RGMA: variants seen among roughly 807,000 people sequenced by gnomAD.
RGMA encodes repulsive guidance molecule A.
RGMA carries 10 observed loss-of-function variants against 23.2 expected under a neutral mutation model. The observed-to-expected ratio is 0.43, with a 90% confidence interval of 0.27 to 0.73. The LOEUF (loss-of-function observed/expected upper bound fraction) is 0.73. Ranked by LOEUF, RGMA falls within the 30% of genes least tolerant of loss-of-function variation. RGMA has a pLI of 0.20. For synonymous variants in RGMA, 308 were observed against 279.3 expected, an observed-to-expected ratio of 1.10 and a Z score of -1.03; for missense variants, 547 against 630.5, an observed-to-expected ratio of 0.87 and a Z score of 1.42.
intron 2 of RGMA, among the ~76,000 whole-genome samples, chr15:93,068,416 C>T (rs867002709): frequency 2.0e-5 from 3 of 152,180 alleles, no homozygotes; most frequent in Admixed American, 6.5e-5. Context: ...TCTTCCAAGG[C>T]CTCCTCTTCT....
At position 93,040,786 on chromosome 15, in the gene RGMA, A is replaced by G. The variant is rs1273293760; in HGVS notation, c.*4212T>C. 1.3e-5 allele frequency: 2 copies of G among 152,168 alleles called. No homozygotes were observed. Among genetic ancestry groups the G allele is most frequent in the African/African-American group, 4.8e-5 (2 of 41,420 alleles). 9.4% of individuals were successfully genotyped at this position (152,168 alleles called of 1,614,324 possible). ...GGGTAGACACCCAATAGAGTTATCA[A>G]ATGGATAAATAAATGCAATTGCAGA... is the stretch of plus-strand genomic sequence containing the variant. On this transcript the variant is annotated 3_prime_UTR_variant, in exon 4 of 4. Coordinates refer to ENST00000329082, the MANE Select transcript of RGMA (RefSeq NM_020211.3).
chr15:93,087,618 A>G (rs1304422196), intron 1 of RGMA, among the ~76,000 whole-genome samples: 3 of 152,190 alleles, frequency 2.0e-5, no homozygotes, highest in African/African-American at 7.2e-5. Context: ...AAATCCACCC[A>G]AGAAATCACC....
rs538262883 is a variant in RGMA, at chr15:93,064,008, AACCACACCGTGTGCCAAGGGAAAG to A, written c.130+8884_130+8907del. ...TCACTCATACCAAGTGGCTACACGA[AACCACACCGTGTGCCAAGGGAAAG>A]GGCACACCTCAGCTTTCCACACTAC... is the stretch of plus-strand genomic sequence containing the variant. On this transcript the variant is annotated intron_variant, in intron 2 of 3. Coordinates refer to ENST00000329082, the MANE Select transcript of RGMA (RefSeq NM_020211.3). Among the ~76,000 whole-genome samples the A allele has an allele frequency of 4.3e-4, 65 of 152,320 alleles. 2 individuals are homozygous for A. In the South Asian group the frequency reaches 0.013, roughly 31 times the overall value.
At chr15:93,049,078 G>T (rs2054875466) in intron 3 of RGMA, among the ~76,000 whole-genome samples, 1 of 152,134 alleles carries the variant, frequency 6.6e-6, no homozygotes, top group Non-Finnish European at 1.5e-5. Flanking sequence ...AGCATGAAGG[G>T]GGCCTGTCGA....
intron 2 of RGMA, among the ~76,000 whole-genome samples, chr15:93,055,226 T>G (rs1206242102): frequency 6.6e-6 from 1 of 152,162 alleles, no homozygotes; most frequent in Admixed American, 6.5e-5. Context: ...CCTGTGGCAC[T>G]TACTGTGACC....
Position 93,044,717 on chromosome 15 carries a change from G to A in RGMA, c.*281C>T. 1 of 481,064 alleles carries A rather than the reference G, an allele frequency of 2.1e-6. No homozygotes were observed. The highest frequency in any genetic ancestry group is 3.7e-6 in the Non-Finnish European group (1 of 269,388). The allele number at this position is 481,064 out of a possible 1,614,324, so 29.8% of individuals were successfully genotyped here. On this transcript the variant is annotated 3_prime_UTR_variant, in exon 4 of 4. Transcript: ENST00000329082. Reference sequence around the variant, plus strand: ...GTGGGGGTGGGGGGCTTCAGCCTGAGGGGATGTTTCACACATTCACACTGC... The same window carrying A: ...GTGGGGGTGGGGGGCTTCAGCCTGAAGGGATGTTTCACACATTCACACTGC...
In RGMA at chr15:93,039,785, C is replaced by T. The variant is rs1485153297; in HGVS notation, c.*5213G>A. On this transcript the variant is annotated 3_prime_UTR_variant, in exon 4 of 4. Transcript: ENST00000329082. ...GTATATGTGCCACATTTTCTTTATC[C>T]AGTCTATCATTGAGCCCATTATTTC... is the stretch of plus-strand genomic sequence containing the variant. 4.6e-5 allele frequency: 7 copies of T among 152,204 alleles called. No homozygotes were observed. The highest frequency in any genetic ancestry group is 4.6e-4 in the Admixed American group (7 of 15,280). 9.4% of individuals were successfully genotyped at this position (152,204 alleles called of 1,614,324 possible).
chr15:93,056,082 GC>G (rs1302118535), intron 2 of RGMA, among the ~76,000 whole-genome samples: 1 of 152,216 alleles, frequency 6.6e-6, no homozygotes, highest in African/African-American at 2.4e-5. Flanking sequence ...GGCCCCAGTA[GC>G]CCAGGGGTTC....
chr15:93,079,258 G>A (rs942471259), intron 1 of RGMA, among the ~76,000 whole-genome samples: 21 of 152,254 alleles, frequency 1.4e-4, no homozygotes, highest in Admixed American at 5.9e-4. Context: ...CAATTTCCCC[G>A]CACATGCTGG....
At chr15:93,058,477 G>C (rs1028464989) in intron 2 of RGMA, among the ~76,000 whole-genome samples, 1 of 152,252 alleles carries the variant, frequency 6.6e-6, no homozygotes, top group African/African-American at 2.4e-5. Flanking sequence ...CCAGTTTTGT[G>C]TTAACTTTGT....
At chr15:93,054,827 G>C (rs1223151081) in intron 2 of RGMA, among the ~76,000 whole-genome samples, 1 of 152,206 alleles carries the variant, frequency 6.6e-6, no homozygotes, top group African/African-American at 2.4e-5. Context: ...GCAACGAGAA[G>C]ATTCTCTTGC....
chr15:93,072,363 T>C (rs1293231710), intron 2 of RGMA, among the ~76,000 whole-genome samples: 2 of 152,180 alleles, frequency 1.3e-5, no homozygotes, highest in Non-Finnish European at 2.9e-5. Flanking sequence ...ACGCAGAAAG[T>C]TATCAAACAG....
At position 93,045,526 on chromosome 15, in the gene RGMA, C is replaced by T; in HGVS notation, c.825G>A (p.Lys275=). The change falls in exon 4 of 4, where the codon AAG becomes AAA. Residue 275 remains lysine (K), a synonymous_variant. Transcript: ENST00000329082. This position sits in a 1 kb window ranked among gnomAD's most constrained non-coding sequence, Gnocchi z 6.9. ...VSGQHVEIQA[K]YIGTTIVVRQ... is the part of the protein sequence containing the mutation. ...GCACCACGATGGTGGTGCCGATGTACTTGGCCTGGATCTCCACGTGCTGGC... is the reference window on the plus strand; with the variant it reads ...GCACCACGATGGTGGTGCCGATGTATTTGGCCTGGATCTCCACGTGCTGGC... The T allele has an allele frequency of 1.2e-6, 2 of 1,613,338 alleles. No individual in the cohort carries two copies. Among genetic ancestry groups the T allele is most frequent in the African/African-American group, 1.3e-5 (1 of 75,044 alleles).
intron 1 of RGMA, among the ~76,000 whole-genome samples, chr15:93,085,278 G>T (rs970493100): frequency 6.6e-6 from 1 of 152,178 alleles, no homozygotes; most frequent in African/African-American, 2.4e-5. Flanking sequence ...AAAATGTCCT[G>T]CCAAGACAGA....
intron 2 of RGMA, chr15:93,066,136 AC>A: frequency 7.4e-7 from 1 of 1,353,832 alleles, no homozygotes; most frequent in Non-Finnish European, 1.1e-6. Flanking sequence ...CTTCACGGGC[AC>A]CTCCCCGGGC....
intron 2 of RGMA, among the ~76,000 whole-genome samples, chr15:93,058,342 G>T (rs530340113): frequency 6.6e-6 from 1 of 152,174 alleles, no homozygotes; most frequent in Admixed American, 6.5e-5. Flanking sequence ...GTGTGACTGT[G>T]GGCAAATTCA....
chr15:93,052,366 C>G lies in RGMA; in HGVS notation c.272G>C (p.Arg91Pro). The change falls in exon 3 of 4, where the codon CGC (arginine) becomes CCC (proline). Residue 91 changes from arginine to proline, a missense_variant. Arg to Pro is a moderately radical substitution (Grantham distance 103). Transcript: ENST00000329082. ...SYALCTRRTA[R>P]TCRGDLAYHS... is the part of the protein sequence containing the mutation. Reference sequence around the variant, plus strand: ...GTAGGCCAGGTCACCCCGGCAGGTGCGGGCCGTCCGCCGCGTGCACAGGGC... The same window carrying G: ...GTAGGCCAGGTCACCCCGGCAGGTGGGGGCCGTCCGCCGCGTGCACAGGGC... 1 of 1,600,424 alleles carries G rather than the reference C, an allele frequency of 6.2e-7. No individual in the cohort carries two copies. The highest frequency in any genetic ancestry group is 1.1e-5 in the South Asian group (1 of 90,974).
At chr15:93,063,051 A>C (rs552662885) in intron 2 of RGMA, 1 of 152,354 alleles carries the variant, frequency 6.6e-6, no homozygotes, top group East Asian at 1.9e-4. Flanking sequence ...GTGAGCACCC[A>C]GGGCGTGATC....
In RGMA at chr15:93,041,379, T is replaced by C. The variant is rs2054721849; in HGVS notation, c.*3619A>G. 6.6e-6 allele frequency: 1 copy of C among 152,228 alleles called. No homozygotes were observed. Among genetic ancestry groups the C allele is most frequent in the Non-Finnish European group, 1.5e-5 (1 of 68,064 alleles). The allele number at this position is 152,228 out of a possible 1,614,324, so 9.4% of individuals were successfully genotyped here. ...CAGGAACCTCCAGAGGCTCCCAACC[T>C]AGCCCGTCCTGCAAGATGAAGCTGC... On this transcript the variant is annotated 3_prime_UTR_variant, in exon 4 of 4. Coordinates refer to ENST00000329082, the MANE Select transcript of RGMA (RefSeq NM_020211.3).
Sources: allele counts gnomAD v4.1 joint callset (sites outside exome capture counted in the v4.1 genomes callset), GRCh38; gene constraint gnomAD v4.1.1; non-coding constraint Gnocchi (gnomAD v3.1); transcripts MANE v1.5; gene names NCBI Gene and HGNC (gene_info 2026-07-23, HGNC 2026-07-21).